ADK: variants seen among roughly 807,000 people sequenced by gnomAD.
ADK encodes the protein N6,N6-dimethyladenosine kinase.
Under a neutral mutation model 44.7 loss-of-function variants are expected in ADK, and 24 were observed. That is an observed-to-expected ratio of 0.54 (90% CI 0.39 to 0.76). ADK has a LOEUF of 0.76. Among genes scored for constraint, ADK ranks in the 30% least tolerant of loss-of-function variants. The probability of loss-of-function intolerance (pLI) is 0.00; values close to 1 mark genes in which losing one functional copy is unlikely to be tolerated. For synonymous variants in ADK, 128 were observed against 142.6 expected, an observed-to-expected ratio of 0.90 and a Z score of 0.73; for missense variants, 321 against 425.1, an observed-to-expected ratio of 0.76 and a Z score of 2.15.
At chr10:74,469,064 A>G (rs548927057) in intron 6 of ADK, among the ~76,000 whole-genome samples, 2 of 152,252 alleles carry the variant, frequency 1.3e-5, no homozygotes, top group South Asian at 4.1e-4. Flanking sequence ...TAGGCTGTAC[A>G]TGGTGGCTCA....
At chr10:74,526,979 A>T (rs1564773875) in intron 7 of ADK, among the ~76,000 whole-genome samples, 1 of 152,218 alleles carries the variant, frequency 6.6e-6, no homozygotes, top group Non-Finnish European at 1.5e-5. Flanking sequence ...CAGAGTTCTA[A>T]ATAGTCAAGA....
At chr10:74,222,356 AAAC>A (rs1178237495) in intron 2 of ADK, among the ~76,000 whole-genome samples, 1 of 151,886 alleles carries the variant, frequency 6.6e-6, no homozygotes, top group Admixed American at 6.6e-5. Context: ...AAAAGTCAGG[AAAC>A]AACAGGTGCT....
At chr10:74,249,215 G>C (rs1358848135) in intron 3 of ADK, among the ~76,000 whole-genome samples, 1 of 152,098 alleles carries the variant, frequency 6.6e-6, no homozygotes, top group Non-Finnish European at 1.5e-5. Flanking sequence ...GAAGGCTCTA[G>C]CTTTTCTTAT....
intron 3 of ADK, among the ~76,000 whole-genome samples, chr10:74,288,403 A>G (rs1424021239): frequency 6.6e-6 from 1 of 152,204 alleles, no homozygotes; most frequent in East Asian, 1.9e-4. Flanking sequence ...TAATCCCAGC[A>G]CTTCGGGAGG....
intron 1 of ADK, among the ~76,000 whole-genome samples, chr10:74,168,706 G>C (rs1054108303): frequency 1.3e-5 from 2 of 151,024 alleles, no homozygotes; most frequent in Non-Finnish European, 3.0e-5. Context: ...TCCACCTCCC[G>C]GGTTCAAGCG....
At chr10:74,190,755 G>C (rs993701420) in intron 1 of ADK, among the ~76,000 whole-genome samples, 3 of 152,092 alleles carry the variant, frequency 2.0e-5, no homozygotes, top group African/African-American at 7.2e-5. Flanking sequence ...GCCCTGTTCT[G>C]TCACCTCCAC....
intron 8 of ADK, among the ~76,000 whole-genome samples, chr10:74,590,943 A>C (rs1030209099): frequency 2.0e-5 from 3 of 152,104 alleles, no homozygotes; most frequent in African/African-American, 7.2e-5. Context: ...CAGAACATAC[A>C]TTTGTATCCT....
intron 6 of ADK, among the ~76,000 whole-genome samples, chr10:74,441,811 T>G (rs150373818): frequency 1.4e-4 from 21 of 152,134 alleles, no homozygotes; most frequent in Admixed American, 1.4e-3. Flanking sequence ...ACCCCATATA[T>G]GATAAAAGGT....
chr10:74,166,129 G>T (rs929521659), intron 1 of ADK, among the ~76,000 whole-genome samples: 1 of 152,038 alleles, frequency 6.6e-6, no homozygotes, highest in Non-Finnish European at 1.5e-5. Context: ...TAGTAGAGAC[G>T]GGGTTTCACT....
intron 1 of ADK, among the ~76,000 whole-genome samples, chr10:74,152,510 A>G (rs1003293697): frequency 1.3e-5 from 2 of 152,200 alleles, no homozygotes; most frequent in African/African-American, 4.8e-5. Context: ...GCCCTTTATT[A>G]GAGTATTTCC....
At chr10:74,697,423 G>A (rs927889394) in intron 10 of ADK, among the ~76,000 whole-genome samples, 6 of 152,110 alleles carry the variant, frequency 3.9e-5, no homozygotes, top group Admixed American at 3.9e-4. Flanking sequence ...TGTAGTTCTA[G>A]CTACTCAGGA....
intron 4 of ADK, among the ~76,000 whole-genome samples, chr10:74,317,008 G>T (rs1840646557): frequency 6.6e-6 from 1 of 152,054 alleles, no homozygotes; most frequent in Admixed American, 6.6e-5. Flanking sequence ...AACTTATTCT[G>T]TCAGATCTTA....
chr10:74,308,602 T>C (rs1840332776), intron 3 of ADK, among the ~76,000 whole-genome samples: 1 of 152,214 alleles, frequency 6.6e-6, no homozygotes. Context: ...TTTAATTATT[T>C]GTTTAGATGA....
intron 9 of ADK, among the ~76,000 whole-genome samples, chr10:74,629,103 C>G (rs1359253935): frequency 1.3e-5 from 2 of 151,972 alleles, no homozygotes; most frequent in Admixed American, 1.3e-4. Flanking sequence ...GATCTTAGCT[C>G]ACTTCATCCT....
Position 74,609,518 on chromosome 10 carries a change from C to A in ADK, c.877+9025C>A, listed in dbSNP as rs1002600565. Among the ~76,000 whole-genome samples the A allele has an allele frequency of 8.5e-5, 13 of 152,242 alleles. No individual in the cohort carries two copies. The South Asian group carries it at 1.5e-3, about 17-fold the overall frequency. ...GAGTTCTCGACCCCTTGCACTTCCCCGGTAAGGTGACGCCCCACCCTGCTT... is the reference window on the plus strand; with the variant it reads ...GAGTTCTCGACCCCTTGCACTTCCCAGGTAAGGTGACGCCCCACCCTGCTT... On this transcript the variant is annotated intron_variant, in intron 9 of 10. Coordinates refer to ENST00000539909, the MANE Select transcript of ADK (RefSeq NM_006721.4).
At chr10:74,283,971 C>T (rs186303359) in intron 3 of ADK, among the ~76,000 whole-genome samples, 16 of 149,590 alleles carry the variant, frequency 1.1e-4, no homozygotes, top group Admixed American at 8.0e-4. Flanking sequence ...TGAGCCACTG[C>T]GCCCAGCTCG....
intron 6 of ADK, among the ~76,000 whole-genome samples, chr10:74,435,532 A>C (rs1592210049): frequency 6.6e-6 from 1 of 152,174 alleles, no homozygotes; most frequent in South Asian, 2.1e-4. Context: ...AAATGGCAAA[A>C]AACCGCCCAA....
chr10:74,387,283 T>C lies in ADK; in HGVS notation c.274-6858T>C, dbSNP rs371479914. On this transcript the variant is annotated intron_variant, in intron 4 of 10. Transcript: ENST00000539909. ...ATTACTACATTCCTTTTGGTGGCAT[T>C]ATACTGTGCGAAACTGAATCTTTGA... Among the ~76,000 whole-genome samples the C allele has an allele frequency of 3.2e-3, 486 of 152,284 alleles. 7 individuals carry two copies. Among genetic ancestry groups the C allele is most frequent in the African/African-American group, 0.011 (456 of 41,546 alleles).
chr10:74,403,689 CG>C (rs1271052500), intron 6 of ADK, among the ~76,000 whole-genome samples: 3 of 152,132 alleles, frequency 2.0e-5, no homozygotes, highest in African/African-American at 7.2e-5. Context: ...CAACCCCTTG[CG>C]CTTCCCAGGT....
Sources: gnomAD v4.1 joint callset for allele counts (sites outside exome capture counted in the v4.1 genomes callset) on GRCh38, gnomAD v4.1.1 for gene constraint, MANE v1.5 for transcripts, NCBI Gene and HGNC (gene_info 2026-07-23, HGNC 2026-07-21) for gene names.